The following CRACD variants were observed in gnomAD, a reference collection of about 807,000 sequenced individuals.
CRACD encodes the protein capping protein inhibiting regulator of actin dynamics.
Under a neutral mutation model 106.8 loss-of-function variants are expected in CRACD, and 56 were observed. The observed-to-expected ratio is 0.52, with a 90% CI of 0.42 to 0.66. The LOEUF is 0.66. Ranked by LOEUF, CRACD falls within the 30% of genes least tolerant of loss-of-function variation. The pLI, the probability that CRACD is intolerant of heterozygous loss-of-function variation, is 0.00. For synonymous variants in CRACD, 754 were observed against 670.8 expected, an observed-to-expected ratio of 1.12 and a Z score of -1.92; for missense variants, 1,730 against 1,623.2, an observed-to-expected ratio of 1.07 and a Z score of -1.13.
chr4:56,314,411 G>GGAGCGGAGGGAGCGGAGT lies in CRACD; in HGVS notation c.923_924insGAGTGAGCGGAGGGAGCG (p.Arg308_Glu309insSerGluArgArgGluArg). The GGAGCGGAGGGAGCGGAGT allele has an allele frequency of 6.9e-7, 1 of 1,453,308 alleles. No individual in the cohort carries two copies. Among genetic ancestry groups the GGAGCGGAGGGAGCGGAGT allele is most frequent in the Non-Finnish European group, 9.1e-7 (1 of 1,100,718 alleles). 90.0% of individuals were successfully genotyped at this position (1,453,308 alleles called of 1,614,324 possible). ...TGGAAGCGCCAGGTTGGGAGGACGC[G>GGAGCGGAGGGAGCGGAGT]GAGCGGAGGGAGCGTGAGGAGCGCG... On this transcript the variant is annotated inframe_insertion, in exon 8 of 11. Coordinates refer to ENST00000682029, the MANE Select transcript of CRACD (RefSeq NM_001393381.1). The surrounding 1 kb of genome is among the most constrained non-coding windows in gnomAD (Gnocchi z 4.4).
At position 56,242,928 on chromosome 4, in the gene CRACD, G is replaced by A. The variant is rs180985688; in HGVS notation, c.-188-29393G>A. On this transcript the variant is annotated intron_variant, in intron 2 of 10. Transcript: ENST00000682029. ...CGAGCAGCCTGGCGCACCAGGTAAAGGTTAGAGGGATGCACCCCTAGAGCG... is the reference window on the plus strand; with the variant it reads ...CGAGCAGCCTGGCGCACCAGGTAAAAGTTAGAGGGATGCACCCCTAGAGCG... Among the ~76,000 whole-genome samples the A allele has an allele frequency of 4.3e-3, 650 of 152,288 alleles. 9 individuals carry two copies. The highest frequency in any genetic ancestry group is 3.6e-3 in the Non-Finnish European group (243 of 68,030).
intron 2 of CRACD, among the ~76,000 whole-genome samples, chr4:56,187,208 G>A (rs1442692865): frequency 6.6e-6 from 1 of 152,126 alleles, no homozygotes; most frequent in Non-Finnish European, 1.5e-5. Flanking sequence ...AGATAACCGG[G>A]TGAAGTGTGA....
chr4:56,318,414 G>A (rs565176233), intron 8 of CRACD, among the ~76,000 whole-genome samples: 3 of 152,268 alleles, frequency 2.0e-5, no homozygotes, highest in South Asian at 4.2e-4. Flanking sequence ...TGAGGGGCCC[G>A]TTTTTGGTTT....
chr4:56,205,298 A>G (rs17086449), intron 2 of CRACD, among the ~76,000 whole-genome samples: 10,041 of 152,112 alleles, frequency 0.066, 1,132 homozygotes, highest in East Asian at 0.52. Flanking sequence ...AACCCTGTAT[A>G]TGTTCCTACT....
At chr4:56,183,693 C>G (rs938854667) in intron 2 of CRACD, among the ~76,000 whole-genome samples, 2 of 152,140 alleles carry the variant, frequency 1.3e-5, no homozygotes, top group African/African-American at 4.8e-5. Context: ...GACCTCAAAC[C>G]AGGAAGATTC....
rs367870463 is a variant in CRACD, at chr4:56,175,695, G to A, written c.-335-3589G>A. 3.4e-4 allele frequency among the ~76,000 whole-genome samples: 51 copies of A among 152,176 alleles called. No individual in the cohort carries two copies. The South Asian group carries it at 5.4e-3, about 16-fold the overall frequency. On this transcript the variant is annotated intron_variant, in intron 1 of 10. Transcript: ENST00000682029. ...TATATATTCTGGTTATTAATCCCTC[G>A]TCAGATGGATAGTTTGCAAATGTTT...
At chr4:56,261,064 T>C (rs1476474131) in intron 2 of CRACD, among the ~76,000 whole-genome samples, 1 of 152,212 alleles carries the variant, frequency 6.6e-6, no homozygotes, top group African/African-American at 2.4e-5. Flanking sequence ...TTCAATACTA[T>C]GTGTAGAACT....
intron 1 of CRACD, among the ~76,000 whole-genome samples, chr4:56,135,790 G>A (rs1734980518): frequency 6.6e-6 from 1 of 152,136 alleles, no homozygotes. Flanking sequence ...GCAATTTAAT[G>A]AGATATGACA....
intron 2 of CRACD, among the ~76,000 whole-genome samples, chr4:56,188,711 C>CACACACACAGAGAGAGAGAG (rs1446016845): frequency 6.2e-5 from 7 of 113,174 alleles, no homozygotes; most frequent in African/African-American, 2.7e-4. Flanking sequence ...CACACACACA[C>CACACACACAGAGAGAGAGAG]AGAGAGAGAG....
At position 56,307,431 on chromosome 4, in the gene CRACD, C is replaced by T. The variant is rs547062467; in HGVS notation, c.121-104C>T. 1.1e-4 allele frequency: 114 copies of T among 1,066,718 alleles called. No homozygotes were observed. In the African/African-American group the frequency reaches 1.5e-3, roughly 14 times the overall value. The allele number at this position is 1,066,718 out of a possible 1,614,324, so 66.1% of individuals were successfully genotyped here. On this transcript the variant is annotated intron_variant, in intron 4 of 10. Transcript: ENST00000682029. Reference sequence around the variant, plus strand: ...GTGTTGAGTCTAGAAATCAGTTGTGCACAAGGTATGCCTCAGTGCTCACTA... The same window carrying T: ...GTGTTGAGTCTAGAAATCAGTTGTGTACAAGGTATGCCTCAGTGCTCACTA...
intron 1 of CRACD, among the ~76,000 whole-genome samples, chr4:56,133,766 C>T (rs1734902544): frequency 6.6e-6 from 1 of 151,982 alleles, no homozygotes; most frequent in African/African-American, 2.4e-5. Context: ...AATTTAGTGT[C>T]AAAAGATACA....
chr4:56,068,674 C>T (rs1181347595), intron 1 of CRACD, among the ~76,000 whole-genome samples: 3 of 151,994 alleles, frequency 2.0e-5, no homozygotes, highest in Non-Finnish European at 4.4e-5. Context: ...TTACTTGCAG[C>T]GTGGACGTGG....
intron 2 of CRACD, among the ~76,000 whole-genome samples, chr4:56,218,990 A>G (rs1361769162): frequency 2.0e-5 from 3 of 152,188 alleles, no homozygotes. Context: ...AATGCCCTGA[A>G]TATAGCTTAC....
chr4:56,301,343 G>T, intron 4 of CRACD: 1 of 757,494 alleles, frequency 1.3e-6, no homozygotes, highest in Non-Finnish European at 1.9e-6. Context: ...TTAGTAAGCA[G>T]CCTAAGAGAC....
chr4:56,052,105 G>A (rs115152231), intron 1 of CRACD, among the ~76,000 whole-genome samples: 3,564 of 152,174 alleles, frequency 0.023, 63 homozygotes, highest in Admixed American at 0.058. Context: ...GTCTCACTGT[G>A]TTGCCCAGGC....
At chr4:56,095,529 C>T (rs956395915) in intron 1 of CRACD, among the ~76,000 whole-genome samples, 7 of 152,086 alleles carry the variant, frequency 4.6e-5, no homozygotes, top group South Asian at 2.1e-4. Context: ...CGGCTATCAG[C>T]GGGAAGAGTG....
chr4:56,183,087 G>C (rs1446262687), intron 2 of CRACD, among the ~76,000 whole-genome samples: 2 of 151,738 alleles, frequency 1.3e-5, no homozygotes, highest in African/African-American at 2.4e-5. Context: ...ACAAAAATTA[G>C]CCGGGCATGG....
intron 1 of CRACD, among the ~76,000 whole-genome samples, chr4:56,071,390 GCTAT>G (rs1273310166): frequency 6.6e-6 from 1 of 152,128 alleles, no homozygotes; most frequent in African/African-American, 2.4e-5. Flanking sequence ...TTGTCTTGGA[GCTAT>G]CTGTCTAAAA....
chr4:56,151,298 C>T lies in CRACD; in HGVS notation c.-335-27986C>T, dbSNP rs1015922397. Among the ~76,000 whole-genome samples, 4 of 152,022 alleles carry T rather than the reference C, an allele frequency of 2.6e-5. No individual in the cohort carries two copies. The East Asian group carries it at 7.7e-4, about 29-fold the overall frequency. On this transcript the variant is annotated intron_variant, in intron 1 of 10. Coordinates refer to ENST00000682029, the MANE Select transcript of CRACD (RefSeq NM_001393381.1). Reference sequence around the variant, plus strand: ...TACATGCGTGAGCCACCTCACCTGGCGGGTATGAGGGTTTTCATATCCTCA... The same window carrying T: ...TACATGCGTGAGCCACCTCACCTGGTGGGTATGAGGGTTTTCATATCCTCA...
Sources: allele counts gnomAD v4.1 joint callset (sites outside exome capture counted in the v4.1 genomes callset), GRCh38; gene constraint gnomAD v4.1.1; non-coding constraint Gnocchi (gnomAD v3.1); transcripts MANE v1.5; gene names NCBI Gene and HGNC (gene_info 2026-07-23, HGNC 2026-07-21).